Variants in BMP6 observed in about 807,000 individuals in gnomAD.
The protein encoded by BMP6 is VG-1-R.
In BMP6, 17 loss-of-function variants were observed where a neutral mutation model predicts 54.1. The ratio of observed to expected loss-of-function variants is 0.31; its 90% confidence interval spans 0.22 to 0.47. The LOEUF is 0.47. Ranked by LOEUF, BMP6 falls within the 20% of genes least tolerant of loss-of-function variation. The pLI, the probability that BMP6 is intolerant of heterozygous loss-of-function variation, is 1.00. For missense variants in BMP6, 720 were observed against 690.4 expected (o/e 1.04, Z -0.48); for synonymous variants, 328 against 291.2 (o/e 1.13, Z -1.28).
chr6:7,736,374 G>C (rs1327484479), intron 1 of BMP6, among the ~76,000 whole-genome samples: 1 of 152,088 alleles, frequency 6.6e-6, no homozygotes, highest in Non-Finnish European at 1.5e-5. Flanking sequence ...ATTTGGGGGG[G>C]TTATTAGGGG....
intron 1 of BMP6, among the ~76,000 whole-genome samples, chr6:7,735,063 A>G (rs1761931679): frequency 6.6e-6 from 1 of 152,234 alleles, no homozygotes. Flanking sequence ...TCAGCTGGCC[A>G]CGGGGGGAAG....
intron 2 of BMP6, 32 bp from the exon 3 acceptor site, chr6:7,861,419 C>T (rs1471391040): frequency 6.2e-7 from 1 of 1,611,976 alleles, no homozygotes; most frequent in Non-Finnish European, 8.5e-7. Flanking sequence ...AGGCAGTGCG[C>T]TATTTACCAG....
intron 1 of BMP6, among the ~76,000 whole-genome samples, chr6:7,731,615 A>G (rs1246933961): frequency 1.3e-5 from 2 of 152,262 alleles, no homozygotes; most frequent in African/African-American, 4.8e-5. Context: ...TAGTGAACAT[A>G]TAGACATAGC....
At chr6:7,732,935 C>CA (rs1321417878) in intron 1 of BMP6, among the ~76,000 whole-genome samples, 7 of 150,462 alleles carry the variant, frequency 4.7e-5, no homozygotes, top group Non-Finnish European at 7.4e-5. Flanking sequence ...CTTTTTCTGT[C>CA]ACCCAGGCTG....
intron 1 of BMP6, among the ~76,000 whole-genome samples, chr6:7,785,777 A>G (rs1398501938): frequency 2.6e-5 from 4 of 152,222 alleles, no homozygotes; most frequent in Non-Finnish European, 4.4e-5. Flanking sequence ...GAATCTCCAC[A>G]CACTGAGATC....
intron 1 of BMP6, among the ~76,000 whole-genome samples, chr6:7,784,219 TTG>T (rs1472095795): frequency 6.6e-6 from 1 of 152,356 alleles, no homozygotes; most frequent in African/African-American, 2.4e-5. Context: ...CAGTTTCCTT[TTG>T]TGATTGTTGA....
At chr6:7,781,607 G>A (rs891614154) in intron 1 of BMP6, among the ~76,000 whole-genome samples, 29 of 151,428 alleles carry the variant, frequency 1.9e-4, no homozygotes, top group African/African-American at 2.9e-4. Context: ...TTTCATCCCC[G>A]TGTTCACTGA....
At chr6:7,778,824 A>G (rs1241901624) in intron 1 of BMP6, among the ~76,000 whole-genome samples, 2 of 152,102 alleles carry the variant, frequency 1.3e-5, no homozygotes, top group East Asian at 1.9e-4. Context: ...CATCCTTCCC[A>G]TTCCCGGAGG....
intron 1 of BMP6, among the ~76,000 whole-genome samples, chr6:7,820,206 A>G (rs1444375104): frequency 2.0e-5 from 3 of 152,222 alleles, no homozygotes; most frequent in Non-Finnish European, 4.4e-5. Flanking sequence ...TGCATATACA[A>G]ATGACATCAC....
chr6:7,838,768 T>C (rs926637407), intron 1 of BMP6, among the ~76,000 whole-genome samples: 2 of 151,890 alleles, frequency 1.3e-5, no homozygotes, highest in Non-Finnish European at 2.9e-5. Flanking sequence ...CGGTGAAACC[T>C]CGTCTCTACT....
At chr6:7,755,630 C>T (rs779306094) in intron 1 of BMP6, among the ~76,000 whole-genome samples, 18 of 152,078 alleles carry the variant, frequency 1.2e-4, no homozygotes, top group Admixed American at 2.0e-4. Flanking sequence ...TACCATTTCT[C>T]ACACTCTTTA....
At chr6:7,736,927 C>A (rs1001618841) in intron 1 of BMP6, among the ~76,000 whole-genome samples, 2 of 152,156 alleles carry the variant, frequency 1.3e-5, no homozygotes, top group Non-Finnish European at 2.9e-5. Flanking sequence ...GTGGCTCACA[C>A]CTGTAATCCC....
In BMP6 at chr6:7,798,753, A is replaced by AC. The variant is rs150084878; in HGVS notation, c.665-46385dup. Reference sequence around the variant, plus strand: ...AAACTATTTCAAAATAATCCTTGCCACCACACCACATGTAGCATAAGGAAA... The same window carrying AC: ...AAACTATTTCAAAATAATCCTTGCCACCCACACCACATGTAGCATAAGGAAA... On this transcript the variant is annotated intron_variant, in intron 1 of 6. Transcript: ENST00000283147. Among the ~76,000 whole-genome samples, 670 of 152,326 alleles carry AC rather than the reference A, an allele frequency of 4.4e-3. 3 individuals are homozygous for AC. The highest frequency in any genetic ancestry group is 6.8e-3 in the Non-Finnish European group (461 of 68,012).
chr6:7,729,614 A>AT (rs1011400598), intron 1 of BMP6, among the ~76,000 whole-genome samples: 4 of 151,970 alleles, frequency 2.6e-5, no homozygotes, highest in Non-Finnish European at 4.4e-5. Context: ...CACAGGCATC[A>AT]TTTTTTTTAA....
chr6:7,848,631 T>C (rs146436639), intron 2 of BMP6, among the ~76,000 whole-genome samples: 38 of 152,368 alleles, frequency 2.5e-4, no homozygotes, highest in African/African-American at 8.9e-4. Flanking sequence ...TATTGACCTC[T>C]TTCTTTGCTG....
chr6:7,836,935 G>C (rs1406112827), intron 1 of BMP6, among the ~76,000 whole-genome samples: 23 of 152,294 alleles, frequency 1.5e-4, no homozygotes, highest in Non-Finnish European at 1.5e-4. Flanking sequence ...ATAAGCTTGT[G>C]CCATAGAATG....
At chr6:7,811,001 A>G (rs1758427934) in intron 1 of BMP6, among the ~76,000 whole-genome samples, 1 of 152,218 alleles carries the variant, frequency 6.6e-6, no homozygotes. Context: ...TTCAATGTGT[A>G]GGGCCTGATA....
intron 1 of BMP6, among the ~76,000 whole-genome samples, chr6:7,791,848 G>A (rs953715483): frequency 2.0e-5 from 3 of 152,022 alleles, no homozygotes; most frequent in Non-Finnish European, 4.4e-5. Flanking sequence ...TTCTACCTCA[G>A]TATATTTTAT....
At chr6:7,816,994 A>G (rs1429213531) in intron 1 of BMP6, among the ~76,000 whole-genome samples, 2 of 152,210 alleles carry the variant, frequency 1.3e-5, no homozygotes, top group Admixed American at 1.3e-4. Flanking sequence ...CTTGGAAAAG[A>G]AAGAGATCAA....
Sources: gnomAD v4.1 joint callset for allele counts (sites outside exome capture counted in the v4.1 genomes callset) on GRCh38, gnomAD v4.1.1 for gene constraint, MANE v1.5 for transcripts, NCBI Gene and HGNC (gene_info 2026-07-23, HGNC 2026-07-21) for gene names.